PEX7: variants seen among roughly 807,000 people sequenced by gnomAD.
The protein encoded by PEX7 is PTS2 receptor.
In PEX7, 34 loss-of-function variants were observed where a neutral mutation model predicts 47.5. That is an observed-to-expected ratio of 0.72 (90% confidence interval 0.54 to 0.95). The LOEUF (loss-of-function observed/expected upper bound fraction) is 0.95. PEX7 is among the 40% of genes least tolerant of loss of function. The pLI is 0.00. For missense variants in PEX7, 394 were observed against 400.3 expected (o/e 0.98, Z 0.13); for synonymous variants, 141 against 148.8 (o/e 0.95, Z 0.38).
chr6:136,854,019 T>C (rs924580165), intron 5 of PEX7, among the ~76,000 whole-genome samples: 1 of 152,156 alleles, frequency 6.6e-6, no homozygotes, highest in Admixed American at 6.6e-5. Flanking sequence ...TTTCTTCTTA[T>C]GTTGCCTTTC....
intron 8 of PEX7, among the ~76,000 whole-genome samples, chr6:136,879,231 GT>G (rs1775332652): frequency 6.6e-6 from 1 of 152,064 alleles, no homozygotes; most frequent in African/African-American, 2.4e-5. Flanking sequence ...CTCATTATCA[GT>G]TTTTTATTCC....
At chr6:136,888,749 G>T (rs1775509122) in intron 8 of PEX7, among the ~76,000 whole-genome samples, 2 of 152,112 alleles carry the variant, frequency 1.3e-5, no homozygotes. Flanking sequence ...ATGAAAAATT[G>T]TGATACCCTT....
intron 5 of PEX7, among the ~76,000 whole-genome samples, chr6:136,866,205 A>C (rs1775069294): frequency 6.6e-6 from 1 of 152,112 alleles, no homozygotes; most frequent in Non-Finnish European, 1.5e-5. Context: ...AAAAGTAAAA[A>C]ATTCTCCATT....
intron 8 of PEX7, among the ~76,000 whole-genome samples, chr6:136,888,720 A>G (rs76050601): frequency 3.7e-4 from 56 of 152,280 alleles, no homozygotes; most frequent in Middle Eastern, 3.4e-3. Context: ...GTTTATAAAT[A>G]TAAGTGAATT....
intron 8 of PEX7, among the ~76,000 whole-genome samples, chr6:136,886,366 C>A (rs1775468313): frequency 1.3e-5 from 2 of 152,040 alleles, no homozygotes. Flanking sequence ...CCTCTATTTA[C>A]TAGTTGTGAA....
intron 3 of PEX7, among the ~76,000 whole-genome samples, chr6:136,834,700 G>A (rs979554244): frequency 2.6e-5 from 4 of 152,220 alleles, no homozygotes; most frequent in Admixed American, 2.6e-4. Flanking sequence ...CTGGATGGTG[G>A]GGGTTGGACT....
At chr6:136,847,801 T>G (rs1017278474) in intron 5 of PEX7, among the ~76,000 whole-genome samples, 20 of 152,222 alleles carry the variant, frequency 1.3e-4, no homozygotes, top group African/African-American at 4.8e-4. Context: ...TTTGTTCTTT[T>G]GGCCTAGGAT....
At chr6:136,868,089 A>G (rs926626002) in intron 6 of PEX7, among the ~76,000 whole-genome samples, 1 of 152,204 alleles carries the variant, frequency 6.6e-6, no homozygotes, top group African/African-American at 2.4e-5. Context: ...GTGTTACAGT[A>G]GCCTACAGTA....
chr6:136,831,824 C>T (rs1038407247), intron 3 of PEX7, among the ~76,000 whole-genome samples: 2 of 152,230 alleles, frequency 1.3e-5, no homozygotes, highest in Admixed American at 1.3e-4. Context: ...GGGGTAGGCT[C>T]CCATGGCCTT....
At chr6:136,860,567 A>G (rs1029516077) in intron 5 of PEX7, among the ~76,000 whole-genome samples, 1 of 151,806 alleles carries the variant, frequency 6.6e-6, no homozygotes, top group African/African-American at 2.4e-5. Flanking sequence ...ACCTAATGTT[A>G]AATGACGAGT....
chr6:136,823,101 C>A (rs528982270), intron 1 of PEX7: 2 of 985,454 alleles, frequency 2.0e-6, no homozygotes, highest in South Asian at 9.4e-5. Context: ...AGGCACACGT[C>A]CCCGTAGGGA....
chr6:136,874,534 T>C (rs777846470), intron 8 of PEX7, among the ~76,000 whole-genome samples: 27 of 151,662 alleles, frequency 1.8e-4, no homozygotes, highest in Non-Finnish European at 2.9e-5. Flanking sequence ...TAGCCACGCA[T>C]GATGGCAGGT....
chr6:136,829,942 A>G (rs1274854336), intron 3 of PEX7: 1 of 692,744 alleles, frequency 1.4e-6, no homozygotes, highest in Non-Finnish European at 2.6e-6. Context: ...GTCTTAAAAG[A>G]AAGTTATTAA....
At chr6:136,877,959 T>A (rs1229181140) in intron 8 of PEX7, among the ~76,000 whole-genome samples, 1 of 152,206 alleles carries the variant, frequency 6.6e-6, no homozygotes, top group Non-Finnish European at 1.5e-5. Context: ...TTCCATTTGT[T>A]TGTGTCCTCT....
intron 9 of PEX7, among the ~76,000 whole-genome samples, chr6:136,911,134 C>T (rs1335238936): frequency 6.6e-6 from 1 of 152,092 alleles, no homozygotes; most frequent in Non-Finnish European, 1.5e-5. Context: ...CCTTTCCAAT[C>T]TCCCCTATCC....
At chr6:136,833,553 A>C (rs1028433618) in intron 3 of PEX7, among the ~76,000 whole-genome samples, 2 of 152,152 alleles carry the variant, frequency 1.3e-5, no homozygotes, top group Admixed American at 6.6e-5. Context: ...AAAATTGAGG[A>C]AATAGTTGGA....
Position 136,872,230 on chromosome 6 carries a change from T to C in PEX7, c.780T>C (p.Ser260=), listed in dbSNP as rs2115228945. Residue 260 remains serine, a synonymous_variant, in exon 8 of 10, where the codon TCT becomes TCC. Transcript: ENST00000318471. ...FSPFHASVLA[S]CSYDFTVRFW... ...CATTTCATGCTTCTGTGCTGGCCTC[T>C]TGCTCGTATGATTTTACTGTAAGGT... is the stretch of plus-strand genomic sequence containing the variant. The C allele has an allele frequency of 1.2e-6, 2 of 1,610,774 alleles. No homozygotes were observed. The highest frequency in any genetic ancestry group is 1.7e-5 in the Admixed American group (1 of 59,952).
chr6:136,869,022 G>A (rs1216087942), intron 6 of PEX7, among the ~76,000 whole-genome samples: 2 of 152,088 alleles, frequency 1.3e-5, no homozygotes, highest in East Asian at 3.9e-4. Context: ...TGCTTTTTCA[G>A]ATGTGCCTAA....
At chr6:136,856,562 G>GT (rs141141150) in intron 5 of PEX7, among the ~76,000 whole-genome samples, 6,328 of 152,268 alleles carry the variant, frequency 0.042, 146 homozygotes, top group African/African-American at 0.072. Flanking sequence ...CATCCAGACT[G>GT]TTTCATTTTC....
Sources: gnomAD v4.1 joint callset for allele counts (sites outside exome capture counted in the v4.1 genomes callset) on GRCh38, gnomAD v4.1.1 for gene constraint, MANE v1.5 for transcripts, NCBI Gene and HGNC (gene_info 2026-07-23, HGNC 2026-07-21) for gene names.